Variants in ABCA12 observed in about 807,000 individuals in gnomAD.
ABCA12 encodes the protein ATP binding cassette subfamily A member 12.
Under a neutral mutation model 293.5 loss-of-function variants are expected in ABCA12, and 156 were observed. The ratio of observed to expected loss-of-function variants is 0.53; its 90% CI spans 0.47 to 0.61. ABCA12 has a LOEUF of 0.61. Among genes scored for constraint, ABCA12 ranks in the 20% least tolerant of loss-of-function variants. The probability of loss-of-function intolerance (pLI) is 0.00; values close to 1 mark genes in which losing one functional copy is unlikely to be tolerated. For synonymous variants in ABCA12, 1,063 were observed against 1,108.0 expected, an observed-to-expected ratio of 0.96 and a Z score of 0.81; for missense variants, 2,797 against 3,090.2, an observed-to-expected ratio of 0.91 and a Z score of 2.25.
At chr2:214,947,659 T>C (rs753837663) in intron 47 of ABCA12, 103 bp from the exon 48 acceptor site, 1 of 1,329,410 alleles carries the variant, frequency 7.5e-7, no homozygotes, top group Non-Finnish European at 1.0e-6. Flanking sequence ...AATGTTATCA[T>C]GGAGAATATA....
At position 215,113,505 on chromosome 2, in the gene ABCA12, T is replaced by C. The variant is rs1702620823; in HGVS notation, c.70-1815A>G. ...CTGAGGTGGGGGCTGAGATTCTGCA[T>C]TTCTAAGAAGCTCCCAGGTAAGTGA... is the stretch of plus-strand genomic sequence containing the variant. On this transcript the variant is annotated intron_variant, in intron 1 of 52. Coordinates refer to ENST00000272895, the MANE Select transcript of ABCA12 (RefSeq NM_173076.3). 3.3e-5 allele frequency among the ~76,000 whole-genome samples: 5 copies of C among 152,160 alleles called. No homozygotes were observed. The South Asian group carries it at 1.0e-3, about 31-fold the overall frequency.
intron 2 of ABCA12, among the ~76,000 whole-genome samples, chr2:215,098,743 C>T (rs1178750733): frequency 1.3e-5 from 2 of 152,182 alleles, no homozygotes; most frequent in African/African-American, 4.8e-5. Flanking sequence ...TTAAATCTTG[C>T]TTCAACACTT....
intron 48 of ABCA12, among the ~76,000 whole-genome samples, chr2:214,946,577 C>T (rs952412180): frequency 6.6e-6 from 1 of 152,222 alleles, no homozygotes; most frequent in African/African-American, 2.4e-5. Flanking sequence ...CTGTGCATCA[C>T]TTTATCTGGC....
At chr2:214,956,840 C>T in intron 41 of ABCA12, 62 bp from the exon 42 acceptor site, 3 of 1,117,950 alleles carry the variant, frequency 2.7e-6, no homozygotes, top group African/African-American at 3.1e-5. Context: ...AAAAAAAAAT[C>T]AATAACCCAT....
chr2:215,025,799 A>T lies in ABCA12; in HGVS notation c.1181-20T>A. 2 of 1,547,076 alleles carry T rather than the reference A, an allele frequency of 1.3e-6. No homozygotes were observed. The highest frequency in any genetic ancestry group is 1.8e-6 in the Non-Finnish European group (2 of 1,119,354). Reference sequence around the variant, plus strand: ...GATTTTCTGTAAAGGAAGGGAGAAGAGTTACTTTATGTGAATTGCAAGGTC... The same window carrying T: ...GATTTTCTGTAAAGGAAGGGAGAAGTGTTACTTTATGTGAATTGCAAGGTC... On this transcript the variant is annotated intron_variant, in intron 10 of 52. Transcript: ENST00000272895.
At chr2:215,113,192 A>G (rs1375596795) in intron 1 of ABCA12, among the ~76,000 whole-genome samples, 1 of 152,146 alleles carries the variant, frequency 6.6e-6, no homozygotes, top group Non-Finnish European at 1.5e-5. Context: ...CTCCTAATCT[A>G]CATTTGCTAC....
intron 1 of ABCA12, among the ~76,000 whole-genome samples, chr2:215,128,515 C>T (rs536346284): frequency 1.3e-5 from 2 of 152,212 alleles, no homozygotes; most frequent in Middle Eastern, 3.4e-3. Context: ...CTTTCTTTGT[C>T]TTTGTTGGAT....
chr2:215,101,916 T>C lies in ABCA12; in HGVS notation c.163+9681A>G, dbSNP rs567779977. 2.6e-5 allele frequency among the ~76,000 whole-genome samples: 4 copies of C among 152,258 alleles called. No individual in the cohort carries two copies. In the East Asian group the frequency reaches 7.7e-4, roughly 29 times the overall value. On this transcript the variant is annotated intron_variant, in intron 2 of 52. Coordinates refer to ENST00000272895, the MANE Select transcript of ABCA12 (RefSeq NM_173076.3). Reference sequence around the variant, plus strand: ...CGAAGTGGAAGTCTTAACTCCAGAATTCCCAATCCAGCCACCAGCTCCTAC... The same window carrying C: ...CGAAGTGGAAGTCTTAACTCCAGAACTCCCAATCCAGCCACCAGCTCCTAC...
At chr2:215,064,310 T>A (rs1473785879) in intron 2 of ABCA12, 91 bp from the exon 3 acceptor site, 2 of 1,333,912 alleles carry the variant, frequency 1.5e-6, no homozygotes, top group East Asian at 4.9e-5. Context: ...GAAGTTAACC[T>A]CCTGGATTAC....
intron 1 of ABCA12, among the ~76,000 whole-genome samples, chr2:215,135,802 C>T (rs755422366): frequency 3.3e-5 from 5 of 152,020 alleles, no homozygotes; most frequent in Non-Finnish European, 7.4e-5. Flanking sequence ...ACCTCTTATT[C>T]CTCTCTTCCT....
rs756974634 is a variant in ABCA12 at position 215,011,968 on chromosome 2, T to C, written c.2121+3A>G. 6.2e-6 allele frequency: 10 copies of C among 1,613,676 alleles called. No homozygotes were observed. The African/African-American group carries it at 1.2e-4, about 19-fold the overall frequency. On this transcript the variant is annotated splice_donor_region_variant and intron_variant, in intron 16 of 52. Coordinates refer to ENST00000272895, the MANE Select transcript of ABCA12 (RefSeq NM_173076.3). ...CAAGAACATTACTGGGTGACTTTGC[T>C]ACCTGTGTTAATGGAACACTTCTGG...
At position 215,036,962 on chromosome 2, in the gene ABCA12, G is replaced by C. The variant is rs202233394; in HGVS notation, c.976C>G (p.Pro326Ala). ...GATGGAAATATAATACCTTGAGCTG[G>C]GGAGTCCAGAGTGTACAGCAGATGT... ...VKHLLYTLDS[P>A]AQGDSDNITH... Residue 326 changes from proline (P) to alanine (A), a missense_variant, in exon 8 of 53, where the codon CCA becomes GCA. By Grantham distance (27) the Pro-to-Ala change is conservative. Around this residue, in one of 3 missense-constraint regions of ABCA12, gnomAD observed 656 missense variants for 638.2 expected, o/e 1.03. Coordinates refer to ENST00000272895, the MANE Select transcript of ABCA12 (RefSeq NM_173076.3). 13 of 1,613,378 alleles carry C rather than the reference G, an allele frequency of 8.1e-6. No individual in the cohort carries two copies. Among genetic ancestry groups the C allele is most frequent in the Admixed American group, 1.7e-5 (1 of 59,992 alleles).
intron 23 of ABCA12, 86 bp from the exon 24 acceptor site, chr2:214,991,117 G>T (rs1699903716): frequency 2.5e-6 from 3 of 1,206,250 alleles, no homozygotes; most frequent in African/African-American, 1.5e-5. Flanking sequence ...AAAATGTCAT[G>T]ATAGTCTCTC....
chr2:214,993,576 A>G (rs1426336474), intron 23 of ABCA12, among the ~76,000 whole-genome samples: 2 of 152,190 alleles, frequency 1.3e-5, no homozygotes, highest in Non-Finnish European at 2.9e-5. Flanking sequence ...ATTTGAATAT[A>G]ATTAAGTGGG....
At chr2:214,939,724 C>A (rs1488650717) in intron 50 of ABCA12, among the ~76,000 whole-genome samples, 1 of 152,144 alleles carries the variant, frequency 6.6e-6, no homozygotes, top group Non-Finnish European at 1.5e-5. Flanking sequence ...CTCTTTGTAG[C>A]AATTGTGAAT....
intron 23 of ABCA12, among the ~76,000 whole-genome samples, chr2:214,992,693 C>A (rs1232489144): frequency 6.6e-6 from 1 of 151,562 alleles, no homozygotes; most frequent in African/African-American, 2.4e-5. Flanking sequence ...AAAACCCCAT[C>A]TCTACTAAAA....
In ABCA12 at chr2:215,014,979, A is replaced by G. The variant is rs748194281; in HGVS notation, c.1956+511T>C. On this transcript the variant is annotated intron_variant, in intron 15 of 52. Transcript: ENST00000272895. ...GCAAGATGAAGTCAATGCTGACTTT[A>G]CTAAGCTCTAATAACAACCATTTGT... Among the ~76,000 whole-genome samples, 8 of 152,210 alleles carry G rather than the reference A, an allele frequency of 5.3e-5. 1 individual carries two copies. The highest frequency in any genetic ancestry group is 1.3e-4 in the Admixed American group (2 of 15,278).
Position 214,989,411 on chromosome 2 carries a change from T to C in ABCA12, c.3747A>G (p.Ser1249=). Residue 1249 remains serine (S), a synonymous_variant, in exon 26 of 53, where the codon TCA becomes TCG. Transcript: ENST00000272895. ...YTSPVQDDTT[S]FGWLCCLILA... The stretch of plus-strand genomic sequence containing the variant: ...GGATTAGACAGCACAGCCAGCCAAA[T>C]GAGGTGGTGTCATCCTGAACCGGGG... 2 of 1,613,142 alleles carry C rather than the reference T, an allele frequency of 1.2e-6. No homozygotes were observed. The highest frequency in any genetic ancestry group is 1.7e-6 in the Non-Finnish European group (2 of 1,179,790).
At chr2:215,117,891 TTTTG>T (rs948055890) in intron 1 of ABCA12, among the ~76,000 whole-genome samples, 1 of 152,144 alleles carries the variant, frequency 6.6e-6, no homozygotes, top group African/African-American at 2.4e-5. Context: ...CATGGAGGTG[TTTTG>T]TTTCTTTCAC....
Sources: allele counts gnomAD v4.1 joint callset (sites outside exome capture counted in the v4.1 genomes callset), GRCh38; gene constraint gnomAD v4.1.1; regional missense constraint gnomAD v4.1.1; transcripts MANE v1.5; gene names NCBI Gene and HGNC (gene_info 2026-07-23, HGNC 2026-07-21).